The following UVRAG variants were observed in gnomAD, a reference collection of about 807,000 sequenced individuals.
The protein encoded by UVRAG is UV radiation resistance associated, also known as UV radiation resistance-associated gene protein.
A neutral mutation model predicts 78.0 loss-of-function variants in UVRAG; 19 were observed. That is an observed-to-expected ratio of 0.24 (90% CI 0.17 to 0.36). The LOEUF (loss-of-function observed/expected upper bound fraction) is 0.36, where lower values mean the gene tolerates loss of function less well. Among genes scored for constraint, UVRAG ranks in the 10% least tolerant of loss-of-function variants. The pLI, the probability that UVRAG is intolerant of heterozygous loss-of-function variation, is 1.00. For synonymous variants in UVRAG, 323 were observed against 324.6 expected, an observed-to-expected ratio of 1.00 and a Z score of 0.05; for missense variants, 740 against 853.8, an observed-to-expected ratio of 0.87 and a Z score of 1.66.
chr11:75,946,910 C>A (rs1948598484), intron 6 of UVRAG, among the ~76,000 whole-genome samples: 1 of 152,172 alleles, frequency 6.6e-6, no homozygotes, highest in Non-Finnish European at 1.5e-5. Flanking sequence ...CATTTATTTT[C>A]TCAGAGATCT....
intron 6 of UVRAG, among the ~76,000 whole-genome samples, chr11:75,929,232 T>C (rs1477135444): frequency 6.6e-6 from 1 of 152,224 alleles, no homozygotes; most frequent in African/African-American, 2.4e-5. Flanking sequence ...GTGCAGAGTT[T>C]AGTGATCCAG....
intron 14 of UVRAG, among the ~76,000 whole-genome samples, chr11:76,134,551 A>T (rs1423004544): frequency 6.6e-6 from 1 of 152,170 alleles, no homozygotes; most frequent in African/African-American, 2.4e-5. Context: ...TAAGAGAAAC[A>T]GTAAAGGGAA....
At chr11:76,064,698 T>A (rs964477953) in intron 12 of UVRAG, among the ~76,000 whole-genome samples, 4 of 152,216 alleles carry the variant, frequency 2.6e-5, no homozygotes, top group African/African-American at 9.6e-5. Context: ...AAATTCTATT[T>A]CCTTTATTTT....
chr11:76,017,974 A>T (rs1950178844), intron 12 of UVRAG, among the ~76,000 whole-genome samples: 2 of 152,208 alleles, frequency 1.3e-5, no homozygotes, highest in South Asian at 4.1e-4. Flanking sequence ...AAGAGAAAGG[A>T]TAAAGATGTA....
chr11:75,980,143 C>T (rs116302370), intron 7 of UVRAG: 5 of 148,860 alleles, frequency 3.4e-5, no homozygotes, highest in African/African-American at 1.0e-4. Context: ...AATTTAATTT[C>T]TCTCTCTCTC....
At chr11:75,986,079 A>T (rs1198142745) in intron 8 of UVRAG, among the ~76,000 whole-genome samples, 3 of 152,112 alleles carry the variant, frequency 2.0e-5, no homozygotes, top group African/African-American at 7.2e-5. Context: ...TAATTGTCAT[A>T]CCTCATTGCT....
chr11:75,909,859 T>TTG (rs746014983), intron 5 of UVRAG, among the ~76,000 whole-genome samples: 2 of 152,108 alleles, frequency 1.3e-5, no homozygotes, highest in Non-Finnish European at 2.9e-5. Context: ...ATAATTTCCT[T>TTG]TGTGTGTGTG....
At chr11:75,875,032 C>T (rs778058132) in intron 3 of UVRAG, among the ~76,000 whole-genome samples, 2 of 152,160 alleles carry the variant, frequency 1.3e-5, no homozygotes, top group African/African-American at 4.8e-5. Context: ...TAGTGGTCAC[C>T]CAGTGATTCG....
chr11:75,928,633 T>C (rs565249806), intron 6 of UVRAG, among the ~76,000 whole-genome samples: 90 of 150,308 alleles, frequency 6.0e-4, no homozygotes, highest in African/African-American at 2.0e-3. Context: ...GGTTGAGTAA[T>C]GTGAGGGTTA....
intron 8 of UVRAG, among the ~76,000 whole-genome samples, chr11:75,995,726 CT>C (rs1208865762): frequency 6.6e-6 from 1 of 151,720 alleles, no homozygotes; most frequent in East Asian, 1.9e-4. Flanking sequence ...CAATTTTTTC[CT>C]TTTCTTAGGT....
intron 13 of UVRAG, among the ~76,000 whole-genome samples, chr11:76,107,719 A>G (rs1378131380): frequency 6.6e-6 from 1 of 152,178 alleles, no homozygotes; most frequent in Non-Finnish European, 1.5e-5. Context: ...AATATTCTTT[A>G]AGTAGCTTTT....
rs147836860 is a variant in UVRAG at position 75,855,151 on chromosome 11, A to G, written c.235+3151A>G. Among the ~76,000 whole-genome samples, 574 of 152,354 alleles carry G rather than the reference A, an allele frequency of 3.8e-3. 4 individuals carry two copies. Among genetic ancestry groups the G allele is most frequent in the African/African-American group, 0.014 (565 of 41,578 alleles). On this transcript the variant is annotated intron_variant, in intron 2 of 14. Coordinates refer to ENST00000356136, the MANE Select transcript of UVRAG (RefSeq NM_003369.4). ...CTTGTCTAGAGATATGATGAAAGCA[A>G]AGTGCCTTTTTTGTTTTTGTTTTTT...
At chr11:75,911,644 C>T (rs1947742128) in intron 5 of UVRAG, 1 of 225,814 alleles carries the variant, frequency 4.4e-6, no homozygotes. Context: ...TTGTCTTCCT[C>T]CATGGCTGGG....
rs754538340 is a variant in UVRAG at position 76,004,064 on chromosome 11, C to G, written c.886C>G (p.Leu296Val). 3.1e-6 allele frequency: 5 copies of G among 1,613,792 alleles called. No homozygotes were observed. Among genetic ancestry groups the G allele is most frequent in the Non-Finnish European group, 4.2e-6 (5 of 1,179,908 alleles). The change falls in exon 9 of 15, where the codon CTG becomes GTG. Residue 296 changes from leucine (L) to valine (V), a missense_variant. Transcript: ENST00000356136. ...LQLQKESLNE[L>V]RKECTAKREL... ...ACTCCAGAAGGAATCCCTAAATGAG[C>G]TGAGGAAGGAGTGCACTGCAAAAAG...
At chr11:76,059,864 T>C (rs1951049983) in intron 12 of UVRAG, among the ~76,000 whole-genome samples, 1 of 152,226 alleles carries the variant, frequency 6.6e-6, no homozygotes, top group Non-Finnish European at 1.5e-5. Context: ...CAGAATATAT[T>C]GAGTCCATGT....
chr11:76,029,673 A>T (rs932237444), intron 12 of UVRAG, among the ~76,000 whole-genome samples: 5 of 152,162 alleles, frequency 3.3e-5, no homozygotes, highest in African/African-American at 9.7e-5. Flanking sequence ...TTGAGATGGA[A>T]CCTAATTCTA....
intron 4 of UVRAG, among the ~76,000 whole-genome samples, chr11:75,887,533 T>C (rs1397047497): frequency 1.0e-4 from 14 of 136,614 alleles, no homozygotes; most frequent in African/African-American, 3.3e-4. Flanking sequence ...CTGCAAGCTC[T>C]GCCTCCCGGG....
At chr11:76,106,778 T>TA (rs1195615749) in intron 13 of UVRAG, among the ~76,000 whole-genome samples, 2 of 152,050 alleles carry the variant, frequency 1.3e-5, no homozygotes, top group Non-Finnish European at 2.9e-5. Flanking sequence ...TAAATCGAGG[T>TA]ACACAGGACT....
At chr11:75,887,315 T>G (rs1267373658) in intron 4 of UVRAG, among the ~76,000 whole-genome samples, 2 of 149,096 alleles carry the variant, frequency 1.3e-5, no homozygotes, top group Admixed American at 6.7e-5. Flanking sequence ...CCGGCTAAAT[T>G]TTGTGTTTTT....
Sources: gnomAD v4.1 joint callset for allele counts (sites outside exome capture counted in the v4.1 genomes callset) on GRCh38, gnomAD v4.1.1 for gene constraint, MANE v1.5 for transcripts, NCBI Gene and HGNC (gene_info 2026-07-23, HGNC 2026-07-21) for gene names.